Variants in RALYL observed in about 807,000 individuals in gnomAD.
RALYL encodes the protein RNA-binding Raly-like protein.
RALYL carries 29 observed loss-of-function variants against 35.1 expected under a neutral mutation model. The ratio of observed to expected loss-of-function variants is 0.83; its 90% CI spans 0.61 to 1.13. RALYL has a LOEUF of 1.13. RALYL is among the 50% of genes most tolerant of loss of function. The pLI is 0.00. For synonymous variants in RALYL, 120 were observed against 127.6 expected (o/e 0.94, Z 0.40); for missense variants, 359 against 360.4 (o/e 1.00, Z 0.03).
In RALYL at chr8:84,842,703, A is replaced by G. The variant is rs113806836; in HGVS notation, c.366-7277A>G. On this transcript the variant is annotated intron_variant, in intron 4 of 8. Coordinates refer to ENST00000521268, the MANE Select transcript of RALYL (RefSeq NM_173848.7). ...TAGACCAATATCCTTGATGAACATC[A>G]ATGCAAAAATCCTCAGTAAAATACT... 3.0e-3 allele frequency among the ~76,000 whole-genome samples: 454 copies of G among 152,278 alleles called. 1 individual carries two copies. Among genetic ancestry groups the G allele is most frequent in the African/African-American group, 0.011 (442 of 41,566 alleles).
intron 2 of RALYL, among the ~76,000 whole-genome samples, chr8:84,603,351 A>T (rs1166694419): frequency 6.6e-6 from 1 of 152,096 alleles, no homozygotes; most frequent in East Asian, 1.9e-4. Flanking sequence ...ATATTACCTA[A>T]AAAGCTTCCT....
chr8:84,892,418 T>C (rs187389488), intron 8 of RALYL, among the ~76,000 whole-genome samples: 259 of 152,152 alleles, frequency 1.7e-3, no homozygotes, highest in African/African-American at 5.9e-3. Context: ...GAAACCAGCC[T>C]GGCCAACATG....
intron 8 of RALYL, among the ~76,000 whole-genome samples, chr8:84,900,257 G>A (rs902430639): frequency 3.9e-5 from 6 of 152,166 alleles, no homozygotes; most frequent in African/African-American, 1.4e-4. Flanking sequence ...GGAAAAAATA[G>A]TTACTTTTCT....
At chr8:84,280,641 A>C (rs965284802) in intron 1 of RALYL, among the ~76,000 whole-genome samples, 27 of 151,762 alleles carry the variant, frequency 1.8e-4, no homozygotes, top group Non-Finnish European at 1.8e-4. Flanking sequence ...AAAGACCCTG[A>C]CTTTATCTTT....
Position 84,620,954 on chromosome 8 carries a change from C to G in RALYL, c.256+91377C>G, listed in dbSNP as rs575181810. 2.1e-4 allele frequency among the ~76,000 whole-genome samples: 32 copies of G among 152,214 alleles called. No homozygotes were observed. In the South Asian group the frequency reaches 5.6e-3, roughly 27 times the overall value. On this transcript the variant is annotated intron_variant, in intron 2 of 8. Transcript: ENST00000521268. ...CTTGAGGAGGCAGTCTGCCCGTTCT[C>G]AGATCTCCAGCTGCGTGCTGGGAGA...
intron 6 of RALYL, among the ~76,000 whole-genome samples, chr8:84,865,977 G>T (rs1839105545): frequency 1.3e-5 from 2 of 152,136 alleles, no homozygotes; most frequent in Non-Finnish European, 1.5e-5. Flanking sequence ...TCAAAAGTAT[G>T]ATTGAAATAC....
chr8:84,737,191 A>T (rs569202693), intron 2 of RALYL, among the ~76,000 whole-genome samples: 9 of 152,218 alleles, frequency 5.9e-5, no homozygotes, highest in Middle Eastern at 3.4e-3. Context: ...TTATGCAGAA[A>T]TATTTTTAAA....
chr8:84,314,026 G>T (rs913073677), intron 1 of RALYL, among the ~76,000 whole-genome samples: 17 of 152,284 alleles, frequency 1.1e-4, no homozygotes, highest in African/African-American at 3.8e-4. Flanking sequence ...TCACAGTTCT[G>T]CATGGCTGGG....
At chr8:84,498,638 C>G (rs1208295007) in intron 1 of RALYL, among the ~76,000 whole-genome samples, 1 of 152,090 alleles carries the variant, frequency 6.6e-6, no homozygotes, top group East Asian at 1.9e-4. Flanking sequence ...GTTTAATCAT[C>G]AAAGTTTCCA....
chr8:84,546,487 A>G (rs552931759), intron 2 of RALYL, among the ~76,000 whole-genome samples: 4 of 152,186 alleles, frequency 2.6e-5, no homozygotes, highest in Non-Finnish European at 5.9e-5. Context: ...TTTTAGCATC[A>G]TGGAGATGAC....
intron 1 of RALYL, among the ~76,000 whole-genome samples, chr8:84,276,435 T>C (rs965788458): frequency 3.9e-5 from 6 of 152,196 alleles, no homozygotes; most frequent in Non-Finnish European, 5.9e-5. Context: ...TTTTGCATTT[T>C]ACAAAACATT....
intron 2 of RALYL, among the ~76,000 whole-genome samples, chr8:84,616,045 G>C (rs1434729714): frequency 1.8e-5 from 1 of 55,718 alleles, no homozygotes; most frequent in Non-Finnish European, 3.2e-5. Flanking sequence ...GAATAATGCC[G>C]CAATAAACAT....
chr8:84,919,716 G>A (rs1328667024), intron 8 of RALYL, among the ~76,000 whole-genome samples: 1 of 152,076 alleles, frequency 6.6e-6, no homozygotes, highest in Non-Finnish European at 1.5e-5. Context: ...ATTCATGAAA[G>A]CTTCTTTCCT....
chr8:84,184,936 T>C (rs1259490043), intron 1 of RALYL: 2 of 1,609,070 alleles, frequency 1.2e-6, no homozygotes, highest in Non-Finnish European at 1.7e-6. Flanking sequence ...GCTGGAGACA[T>C]TTCCAGAGCC....
At chr8:84,292,078 CAA>C (rs1348285392) in intron 1 of RALYL, among the ~76,000 whole-genome samples, 2 of 151,442 alleles carry the variant, frequency 1.3e-5, no homozygotes, top group African/African-American at 2.4e-5. Flanking sequence ...CTTGCTGAAA[CAA>C]GAAAAATAGA....
intron 1 of RALYL, among the ~76,000 whole-genome samples, chr8:84,376,878 C>T (rs1857014189): frequency 6.6e-6 from 1 of 151,784 alleles, no homozygotes; most frequent in Admixed American, 6.6e-5. Context: ...AAGATGAGTG[C>T]CAAGTTTAGT....
intron 1 of RALYL, among the ~76,000 whole-genome samples, chr8:84,292,716 C>A (rs914560219): frequency 1.3e-5 from 2 of 152,282 alleles, no homozygotes; most frequent in Admixed American, 1.3e-4. Flanking sequence ...ATAGCAATGT[C>A]AGAAAGTTAC....
At chr8:84,493,068 C>A (rs2055532371) in intron 1 of RALYL, among the ~76,000 whole-genome samples, 1 of 152,068 alleles carries the variant, frequency 6.6e-6, no homozygotes, top group Non-Finnish European at 1.5e-5. Context: ...TCTCCCTTCC[C>A]TCCCCTGCCC....
At chr8:84,545,941 A>G (rs2060324575) in intron 2 of RALYL, among the ~76,000 whole-genome samples, 1 of 152,104 alleles carries the variant, frequency 6.6e-6, no homozygotes. Context: ...ATAGCTCCAA[A>G]AGGACTTTGG....
Sources: gnomAD v4.1 joint callset for allele counts (sites outside exome capture counted in the v4.1 genomes callset) on GRCh38, gnomAD v4.1.1 for gene constraint, MANE v1.5 for transcripts, NCBI Gene and HGNC (gene_info 2026-07-23, HGNC 2026-07-21) for gene names.